Variants in INPP4B observed in about 807,000 individuals in gnomAD.
INPP4B encodes inositol polyphosphate-4-phosphatase type II B.
Under a neutral mutation model 122.5 loss-of-function variants are expected in INPP4B, and 55 were observed. The observed-to-expected ratio is 0.45, with a 90% CI of 0.36 to 0.56. The LOEUF (loss-of-function observed/expected upper bound fraction) is 0.56, where lower values mean the gene tolerates loss of function less well. Ranked by LOEUF, INPP4B falls within the 20% of genes least tolerant of loss-of-function variation. INPP4B has a pLI of 0.00. For missense variants in INPP4B, 1,000 were observed against 1,097.7 expected, an observed-to-expected ratio of 0.91 and a Z score of 1.26; for synonymous variants, 403 against 388.7, an observed-to-expected ratio of 1.04 and a Z score of -0.43.
At chr4:142,688,768 G>A (rs1375119385) in intron 2 of INPP4B, among the ~76,000 whole-genome samples, 1 of 152,154 alleles carries the variant, frequency 6.6e-6, no homozygotes, top group East Asian at 1.9e-4. Flanking sequence ...TTATGGTTTA[G>A]GACTCATGCA....
rs192000855 is a variant in INPP4B, at chr4:142,832,891, C to T, written c.-254+13318G>A. Among the ~76,000 whole-genome samples, 3 of 152,102 alleles carry T rather than the reference C, an allele frequency of 2.0e-5. No individual in the cohort carries two copies. In the East Asian group the frequency reaches 5.8e-4, roughly 29 times the overall value. ...AAGTCAAGTTTTAGGTCTTAAGCAGCCATAAAGTGTATTAAAATAAAAACA... is the reference window on the plus strand; with the variant it reads ...AAGTCAAGTTTTAGGTCTTAAGCAGTCATAAAGTGTATTAAAATAAAAACA... On this transcript the variant is annotated intron_variant, in intron 1 of 25. Transcript: ENST00000262992.
intron 24 of INPP4B, among the ~76,000 whole-genome samples, chr4:142,084,226 C>T (rs1004994699): frequency 1.3e-4 from 20 of 152,260 alleles, no homozygotes; most frequent in East Asian, 1.9e-4. Context: ...CTGGTTCAAG[C>T]GATTCTCCTG....
intron 2 of INPP4B, among the ~76,000 whole-genome samples, chr4:142,602,888 CT>C (rs1163654725): frequency 3.3e-5 from 5 of 152,084 alleles, no homozygotes; most frequent in Non-Finnish European, 7.4e-5. Context: ...ATAGATCATT[CT>C]ATTATAAAGA....
chr4:142,145,940 G>T lies in INPP4B; in HGVS notation c.1620C>A (p.Asp540Glu). ...TGCCACCATCTCTTTCAATCAGTTT[G>T]TCCACCATAGCAATAATGCAGTTCA... ...KSLNCIIAMV[D>E]KLIERDGGSE... The change falls in exon 18 of 26, where the codon GAC becomes GAA. Residue 540 changes from aspartate (D) to glutamate (E), a missense_variant. Transcript: ENST00000262992. 1 of 1,613,802 alleles carries T rather than the reference G, an allele frequency of 6.2e-7. No homozygotes were observed. The highest frequency in any genetic ancestry group is 8.5e-7 in the Non-Finnish European group (1 of 1,179,792).
chr4:142,290,195 CTTTTTTTTTTTTTTT>C (rs35260066), intron 9 of INPP4B, among the ~76,000 whole-genome samples: 35 of 77,484 alleles, frequency 4.5e-4, no homozygotes, highest in Admixed American at 4.3e-3. Context: ...TTCTTTCTTC[CTTTTTTTTTTTTTTT>C]TTTTTTTTTT....
intron 2 of INPP4B, among the ~76,000 whole-genome samples, chr4:142,556,458 A>C (rs1729199849): frequency 6.6e-6 from 1 of 152,184 alleles, no homozygotes; most frequent in South Asian, 2.1e-4. Context: ...GAAGAAAAGG[A>C]AGTTTGGGGA....
At chr4:142,424,987 C>G (rs1807729005) in intron 5 of INPP4B, among the ~76,000 whole-genome samples, 1 of 151,962 alleles carries the variant, frequency 6.6e-6, no homozygotes, top group Admixed American at 6.6e-5. Context: ...AATAATGGCT[C>G]TGTTAAACAA....
At chr4:142,482,827 G>A (rs1820727977) in intron 2 of INPP4B, among the ~76,000 whole-genome samples, 1 of 152,116 alleles carries the variant, frequency 6.6e-6, no homozygotes. Flanking sequence ...ATTTATTTGT[G>A]TGATTCATTA....
At chr4:142,266,451 A>T (rs1246968202) in intron 10 of INPP4B, among the ~76,000 whole-genome samples, 1 of 152,178 alleles carries the variant, frequency 6.6e-6, no homozygotes, top group East Asian at 1.9e-4. Context: ...AAGAAAAAAA[A>T]ATTGAAAGAA....
intron 2 of INPP4B, among the ~76,000 whole-genome samples, chr4:142,721,615 G>A (rs1001798119): frequency 6.6e-6 from 1 of 152,194 alleles, no homozygotes; most frequent in South Asian, 2.1e-4. Flanking sequence ...GAGGTCAGGA[G>A]ATCGACACTA....
chr4:142,181,464 CT>C (rs1290470584), intron 15 of INPP4B, among the ~76,000 whole-genome samples: 1 of 152,076 alleles, frequency 6.6e-6, no homozygotes, highest in Non-Finnish European at 1.5e-5. Flanking sequence ...ACTTATTAAC[CT>C]TTCCAACACA....
At chr4:142,176,818 CTG>C (rs2152960869) in intron 15 of INPP4B, among the ~76,000 whole-genome samples, 1 of 152,282 alleles carries the variant, frequency 6.6e-6, no homozygotes, top group East Asian at 1.9e-4. Context: ...ATTGTTTTGA[CTG>C]AGATCCCCTC....
chr4:142,611,365 C>T (rs540458435), intron 2 of INPP4B, among the ~76,000 whole-genome samples: 14 of 152,134 alleles, frequency 9.2e-5, no homozygotes, highest in East Asian at 1.9e-4. Flanking sequence ...GACACAGACA[C>T]GAACCATACC....
chr4:142,077,341 T>A (rs35210256), intron 25 of INPP4B, among the ~76,000 whole-genome samples: 9,638 of 151,982 alleles, frequency 0.063, 392 homozygotes, highest in South Asian at 0.17. Context: ...AATTGAGAAC[T>A]ATGGTGTCAC....
intron 12 of INPP4B, among the ~76,000 whole-genome samples, chr4:142,219,478 T>G (rs940651220): frequency 6.6e-6 from 1 of 152,204 alleles, no homozygotes; most frequent in African/African-American, 2.4e-5. Flanking sequence ...CCAGCATTTA[T>G]TTTTTAGTAT....
Position 142,516,034 on chromosome 4 carries a change from T to C in INPP4B, c.-190-53308A>G, listed in dbSNP as rs75450740. Among the ~76,000 whole-genome samples, 1,101 of 152,268 alleles carry C rather than the reference T, an allele frequency of 7.2e-3. 15 individuals carry two copies. Among genetic ancestry groups the C allele is most frequent in the African/African-American group, 0.025 (1,042 of 41,550 alleles). On this transcript the variant is annotated intron_variant, in intron 2 of 25. Coordinates refer to ENST00000262992, the MANE Select transcript of INPP4B (RefSeq NM_001101669.3). ...GAGAAAGCAGGAGCAGTTGACTAAA[T>C]TTTTCCATCCAAAAATTTAATTCTC... is the stretch of plus-strand genomic sequence containing the variant.
chr4:142,836,938 G>A (rs1463115621), intron 1 of INPP4B, among the ~76,000 whole-genome samples: 2 of 151,840 alleles, frequency 1.3e-5, no homozygotes, highest in African/African-American at 2.4e-5. Flanking sequence ...GGCCGAGGCG[G>A]GTGGATCACT....
chr4:142,031,740 T>G (rs181692018), intron 25 of INPP4B, among the ~76,000 whole-genome samples: 194 of 152,228 alleles, frequency 1.3e-3, no homozygotes, highest in African/African-American at 3.9e-3. Flanking sequence ...TAAGAAAAGC[T>G]CCCCTTACAT....
At chr4:142,771,459 T>C (rs1047248888) in intron 1 of INPP4B, among the ~76,000 whole-genome samples, 4 of 152,140 alleles carry the variant, frequency 2.6e-5, no homozygotes, top group African/African-American at 9.7e-5. Context: ...CAGGAGGCTC[T>C]GAATGTAGTT....
Sources: allele counts gnomAD v4.1 joint callset (sites outside exome capture counted in the v4.1 genomes callset), GRCh38; gene constraint gnomAD v4.1.1; transcripts MANE v1.5; gene names NCBI Gene and HGNC (gene_info 2026-07-23, HGNC 2026-07-21).